The following ADGB variants were observed in gnomAD, a reference collection of about 807,000 sequenced individuals.
The protein encoded by ADGB is androglobin.
Under a neutral mutation model 210.5 loss-of-function variants are expected in ADGB, and 172 were observed. The observed-to-expected ratio is 0.82, with a 90% CI of 0.72 to 0.93. The LOEUF is 0.93. Among genes scored for constraint, ADGB ranks in the 40% least tolerant of loss-of-function variants. The pLI is 0.00. For missense variants in ADGB, 2,025 were observed against 1,964.8 expected (o/e 1.03, Z -0.58); for synonymous variants, 658 against 662.7 (o/e 0.99, Z 0.11).
At chr6:146,734,056 A>C in intron 22 of ADGB, 26 bp downstream of exon 22, 1 of 1,544,134 alleles carries the variant, frequency 6.5e-7, no homozygotes, top group Non-Finnish European at 8.7e-7. Flanking sequence ...CATTTATAAA[A>C]TGAACTTGTT....
At chr6:146,697,822 C>T (rs751671689) in intron 12 of ADGB, among the ~76,000 whole-genome samples, 1 of 152,058 alleles carries the variant, frequency 6.6e-6, no homozygotes, top group Non-Finnish European at 1.5e-5. Context: ...AATATAAATA[C>T]AAAGAAAACT....
At chr6:146,748,154 G>T (rs2114607350) in intron 26 of ADGB, among the ~76,000 whole-genome samples, 1 of 152,092 alleles carries the variant, frequency 6.6e-6, no homozygotes, top group East Asian at 1.9e-4. Context: ...AATCATAAAA[G>T]ACGTGGAATA....
intron 30 of ADGB, among the ~76,000 whole-genome samples, chr6:146,784,241 C>T (rs76512697): frequency 0.059 from 8,993 of 152,224 alleles, 882 homozygotes; most frequent in African/African-American, 0.2. Context: ...TTAGTTTTGC[C>T]TAAATTGCTC....
At chr6:146,623,477 G>T (rs1457066057) in intron 1 of ADGB, among the ~76,000 whole-genome samples, 1 of 151,656 alleles carries the variant, frequency 6.6e-6, no homozygotes, top group Admixed American at 6.6e-5. Context: ...TATTATTATT[G>T]ATTTTTAATT....
At chr6:146,803,703 A>G in intron 35 of ADGB, 3 of 1,140,208 alleles carry the variant, frequency 2.6e-6, no homozygotes, top group Non-Finnish European at 3.9e-6. Flanking sequence ...TGAGTTTCCG[A>G]TGCCATAATC....
intron 1 of ADGB, among the ~76,000 whole-genome samples, chr6:146,622,262 A>G (rs1780905103): frequency 6.6e-6 from 1 of 152,122 alleles, no homozygotes; most frequent in Non-Finnish European, 1.5e-5. Flanking sequence ...TCTGTAGCAA[A>G]GACGTTCTGG....
intron 13 of ADGB, among the ~76,000 whole-genome samples, chr6:146,712,793 T>A (rs1474111770): frequency 2.0e-5 from 3 of 152,186 alleles, no homozygotes; most frequent in Non-Finnish European, 2.9e-5. Context: ...ATCTTAACCA[T>A]TTTTAAGCGT....
At chr6:146,683,437 A>G (rs892020066) in intron 9 of ADGB, among the ~76,000 whole-genome samples, 5 of 152,134 alleles carry the variant, frequency 3.3e-5, no homozygotes, top group African/African-American at 1.2e-4. Flanking sequence ...AGTGATACCA[A>G]TATTTATAAT....
chr6:146,783,219 T>C (rs1777826226), intron 30 of ADGB, among the ~76,000 whole-genome samples: 1 of 152,104 alleles, frequency 6.6e-6, no homozygotes, highest in Non-Finnish European at 1.5e-5. Flanking sequence ...AGGAACAAAG[T>C]ATATCTCTCA....
Position 146,635,380 on chromosome 6 carries a change from A to G in ADGB, c.80A>G (p.Tyr27Cys). The G allele has an allele frequency of 6.6e-7, 1 of 1,510,036 alleles. No homozygotes were observed. Among genetic ancestry groups the G allele is most frequent in the African/African-American group, 1.4e-5 (1 of 71,016 alleles). 93.5% of individuals were successfully genotyped at this position (1,510,036 alleles called of 1,614,324 possible). The change falls in exon 2 of 36, where the codon TAT becomes TGT. Residue 27 changes from tyrosine (Y) to cysteine (C), a missense_variant. Physicochemically the swap from Tyr to Cys is radical, Grantham distance 194. Coordinates refer to ENST00000397944, the MANE Select transcript of ADGB (RefSeq NM_024694.4). ...CACTCTCTGTCTCTGTCTAGTTTCT[A>G]TCCTTTTGGCAGTAATGTACAATCT... ...AHGSDKSKDFYPFGSNVQSGS... is the reference protein window; with the variant it reads ...AHGSDKSKDFCPFGSNVQSGS...
intron 35 of ADGB, chr6:146,803,002 T>C: frequency 6.2e-7 from 1 of 1,608,388 alleles, no homozygotes; most frequent in Non-Finnish European, 8.5e-7. Flanking sequence ...AAACCAACTA[T>C]AACATATTCT....
intron 13 of ADGB, among the ~76,000 whole-genome samples, chr6:146,706,717 T>C (rs1283096817): frequency 6.6e-6 from 1 of 152,110 alleles, no homozygotes; most frequent in Non-Finnish European, 1.5e-5. Flanking sequence ...ATTCTTTGTA[T>C]TTCTGCAGTA....
chr6:146,665,298 A>G (rs1032051305), intron 6 of ADGB, among the ~76,000 whole-genome samples: 2 of 152,018 alleles, frequency 1.3e-5, no homozygotes, highest in African/African-American at 4.8e-5. Flanking sequence ...CTACAAAACA[A>G]AAACAACCAC....
Position 146,772,327 on chromosome 6 carries a change from T to A in ADGB, c.3862+3196T>A, listed in dbSNP as rs549799744. Among the ~76,000 whole-genome samples, 3 of 151,040 alleles carry A rather than the reference T, an allele frequency of 2.0e-5. No homozygotes were observed. The East Asian group carries it at 5.8e-4, about 29-fold the overall frequency. ...ACAATGCTATTGACTAGAATTGCTTTCTCCCAATTCTCTAAAGTAAACTAA... is the reference window on the plus strand; with the variant it reads ...ACAATGCTATTGACTAGAATTGCTTACTCCCAATTCTCTAAAGTAAACTAA... On this transcript the variant is annotated intron_variant, in intron 29 of 35. Coordinates refer to ENST00000397944, the MANE Select transcript of ADGB (RefSeq NM_024694.4).
chr6:146,672,265 G>T lies in ADGB; in HGVS notation c.885G>T (p.Leu295Phe), dbSNP rs1472481080. 8 of 1,547,418 alleles carry T rather than the reference G, an allele frequency of 5.2e-6. No individual in the cohort carries two copies. The highest frequency in any genetic ancestry group is 7.0e-6 in the Non-Finnish European group (8 of 1,145,232). ...TTTGGGAGCTCCTGAAAGAAATATT[G>T]CCTGAGTTTAAGCTGTCAGATGAGG... ...DKVWELLKEI[L>F]PEFKLSDEAS... Residue 295 changes from leucine to phenylalanine, a missense_variant, in exon 8 of 36, where the codon TTG (leucine) becomes TTT (phenylalanine). By Grantham distance (22) the Leu-to-Phe change is conservative (BLOSUM62 0). Coordinates refer to ENST00000397944, the MANE Select transcript of ADGB (RefSeq NM_024694.4).
intron 17 of ADGB, among the ~76,000 whole-genome samples, chr6:146,722,568 C>G (rs1359592492): frequency 6.6e-6 from 1 of 152,146 alleles, no homozygotes; most frequent in Non-Finnish European, 1.5e-5. Context: ...CTCAACAAGG[C>G]CTTAGGCACT....
intron 1 of ADGB, among the ~76,000 whole-genome samples, chr6:146,611,636 G>C (rs879850968): frequency 6.6e-6 from 1 of 152,006 alleles, no homozygotes; most frequent in Non-Finnish European, 1.5e-5. Flanking sequence ...TAGGGTCCCC[G>C]GCTTCCACCT....
chr6:146,755,924 C>A (rs1022162982), intron 27 of ADGB, among the ~76,000 whole-genome samples: 1 of 152,006 alleles, frequency 6.6e-6, no homozygotes, highest in African/African-American at 2.4e-5. Context: ...ATCTTTATAT[C>A]CCTTTTCTAC....
chr6:146,718,295 C>T (rs1012865465), intron 16 of ADGB, among the ~76,000 whole-genome samples: 10 of 144,252 alleles, frequency 6.9e-5, no homozygotes, highest in African/African-American at 2.0e-4. Context: ...TGCAGTGAGC[C>T]GAGATTGCGC....
Sources: allele counts gnomAD v4.1 joint callset (sites outside exome capture counted in the v4.1 genomes callset), GRCh38; gene constraint gnomAD v4.1.1; transcripts MANE v1.5; gene names NCBI Gene and HGNC (gene_info 2026-07-23, HGNC 2026-07-21).